USP31: variants seen among roughly 807,000 people sequenced by gnomAD.
USP31 encodes the protein ubiquitin carboxyl-terminal hydrolase 31.
Under a neutral mutation model 119.4 loss-of-function variants are expected in USP31, and 44 were observed. The ratio of observed to expected loss-of-function variants is 0.37; its 90% confidence interval spans 0.29 to 0.47. The LOEUF is 0.47. Among genes scored for constraint, USP31 ranks in the 20% least tolerant of loss-of-function variants. The pLI, the probability that USP31 is intolerant of heterozygous loss-of-function variation, is 0.99. For synonymous variants in USP31, 749 were observed against 705.6 expected (o/e 1.06, Z -0.97); for missense variants, 1,643 against 1,730.2 (o/e 0.95, Z 0.89).
In USP31 at chr16:23,065,744, G is replaced by A. The variant is rs981116357; in HGVS notation, c.*2302C>T. 6.6e-6 allele frequency: 1 copy of A among 151,422 alleles called. No homozygotes were observed. Among genetic ancestry groups the A allele is most frequent in the Non-Finnish European group, 1.5e-5 (1 of 67,936 alleles). 9.4% of individuals were successfully genotyped at this position (151,422 alleles called of 1,614,324 possible). A position where few individuals can be genotyped will look rare whatever the true frequency, so the allele number is the denominator to read the frequency against. On this transcript the variant is annotated 3_prime_UTR_variant, in exon 16 of 16. Transcript: ENST00000219689. Reference sequence around the variant, plus strand: ...AGACATCGTGGAAAATCCATTCCTAGATAACTCAAGAATAAAAATATTTAC... The same window carrying A: ...AGACATCGTGGAAAATCCATTCCTAAATAACTCAAGAATAAAAATATTTAC...
Position 23,063,157 on chromosome 16 carries a change from A to G in USP31, c.*4889T>C, listed in dbSNP as rs1899919647. On this transcript the variant is annotated 3_prime_UTR_variant, in exon 16 of 16. Transcript: ENST00000219689. The stretch of plus-strand genomic sequence containing the variant: ...AGACAAGTCATTCAGAAGAGGCTTA[A>G]AAGAATCTTGAGGAAAATACATGTG... 6.6e-6 allele frequency: 1 copy of G among 152,248 alleles called. No homozygotes were observed. Among genetic ancestry groups the G allele is most frequent in the South Asian group, 2.1e-4 (1 of 4,838 alleles). The allele number at this position is 152,248 out of a possible 1,614,324, so 9.4% of individuals were successfully genotyped here.
intron 1 of USP31, among the ~76,000 whole-genome samples, chr16:23,111,740 A>G (rs529843114): frequency 2.0e-5 from 3 of 152,328 alleles, no homozygotes; most frequent in Non-Finnish European, 4.4e-5. Flanking sequence ...AGCCCAAGAA[A>G]AAAACCATCA....
intron 1 of USP31, among the ~76,000 whole-genome samples, chr16:23,129,898 T>G (rs574970630): frequency 6.6e-6 from 1 of 152,144 alleles, no homozygotes; most frequent in African/African-American, 2.4e-5. Flanking sequence ...GAAAAAGCAC[T>G]ACAAGTGGGA....
At chr16:23,098,810 C>T (rs1028148065) in intron 6 of USP31, among the ~76,000 whole-genome samples, 2 of 152,174 alleles carry the variant, frequency 1.3e-5, no homozygotes, top group Non-Finnish European at 1.5e-5. Flanking sequence ...ACACCTTATA[C>T]AAAAATTAAT....
chr16:23,078,166 G>A (rs1323637044), intron 13 of USP31, among the ~76,000 whole-genome samples: 1 of 151,916 alleles, frequency 6.6e-6, no homozygotes, highest in Non-Finnish European at 1.5e-5. Context: ...ACAAAAATTA[G>A]CTGGGTGTGG....
chr16:23,078,302 C>T (rs537064485), intron 13 of USP31, among the ~76,000 whole-genome samples: 13 of 134,792 alleles, frequency 9.6e-5, no homozygotes, highest in African/African-American at 3.6e-4. Context: ...GAGAGCGAGA[C>T]TCCGTCGCAA....
intron 9 of USP31, among the ~76,000 whole-genome samples, chr16:23,086,505 G>A (rs1901115407): frequency 6.6e-6 from 1 of 152,152 alleles, no homozygotes; most frequent in Non-Finnish European, 1.5e-5. Flanking sequence ...GGGGCAGGTT[G>A]CTGGGGGTGG....
At chr16:23,123,798 G>C (rs918578363) in intron 1 of USP31, among the ~76,000 whole-genome samples, 2 of 152,074 alleles carry the variant, frequency 1.3e-5, no homozygotes, top group African/African-American at 2.4e-5. Flanking sequence ...CCAAGAGTTT[G>C]AGACCAGCCC....
intron 13 of USP31, among the ~76,000 whole-genome samples, chr16:23,078,192 G>A (rs945540972): frequency 1.9e-4 from 29 of 151,354 alleles, no homozygotes; most frequent in Admixed American, 2.6e-4. Flanking sequence ...TGTGCCTGTA[G>A]TCCCAGCTAC....
At chr16:23,117,846 G>C (rs1902545414) in intron 1 of USP31, among the ~76,000 whole-genome samples, 1 of 152,024 alleles carries the variant, frequency 6.6e-6, no homozygotes, top group Non-Finnish European at 1.5e-5. Flanking sequence ...ATGGAGCGCA[G>C]TAGTGCAATC....
rs961494288 is a variant in USP31 at position 23,065,699 on chromosome 16, CTTTTT to C, written c.*2342_*2346del. 2.0e-5 allele frequency: 3 copies of C among 146,458 alleles called. No homozygotes were observed. Among genetic ancestry groups the C allele is most frequent in the Non-Finnish European group, 4.5e-5 (3 of 66,380 alleles). The allele number at this position is 146,458 out of a possible 1,614,324, so 9.1% of individuals were successfully genotyped here. ...AAAGGGATTTGTAGAAACGTTTTTC[CTTTTT>C]TTTTTTAAGTCACTAGACATCGTGG... On this transcript the variant is annotated 3_prime_UTR_variant, in exon 16 of 16. Coordinates refer to ENST00000219689, the MANE Select transcript of USP31 (RefSeq NM_020718.4).
chr16:23,122,632 G>A (rs1437426271), intron 1 of USP31, among the ~76,000 whole-genome samples: 2 of 152,112 alleles, frequency 1.3e-5, no homozygotes, highest in Non-Finnish European at 2.9e-5. Flanking sequence ...AAAAAGAAAT[G>A]TAGTACGATA....
At position 23,124,010 on chromosome 16, in the gene USP31, G is replaced by A. The variant is rs561152328; in HGVS notation, c.634-15827C>T. Among the ~76,000 whole-genome samples, 26 of 151,358 alleles carry A rather than the reference G, an allele frequency of 1.7e-4. No individual in the cohort carries two copies. In the East Asian group the frequency reaches 3.5e-3, roughly 20 times the overall value. On this transcript the variant is annotated intron_variant, in intron 1 of 15. Transcript: ENST00000219689. ...TGAGATTCTATCTCAAAAAAAAAAA[G>A]AAGAAAAGTACAGGAGGAAGTAGGA...
intron 1 of USP31, among the ~76,000 whole-genome samples, chr16:23,138,177 G>C (rs1903250036): frequency 6.6e-6 from 1 of 152,144 alleles, no homozygotes; most frequent in South Asian, 2.1e-4. Context: ...TTACATCGTT[G>C]GTTGGGAAGA....
chr16:23,076,010 C>T (rs774861271), intron 13 of USP31, among the ~76,000 whole-genome samples: 5 of 152,132 alleles, frequency 3.3e-5, no homozygotes, highest in South Asian at 2.1e-4. Context: ...ATCTTGAGCC[C>T]GGGAGGCTGG....
In USP31 at chr16:23,148,933, G is replaced by A. The variant is rs1490080450; in HGVS notation, c.338C>T (p.Ser113Phe). 7.6e-6 allele frequency: 9 copies of A among 1,183,072 alleles called. No homozygotes were observed. Among genetic ancestry groups the A allele is most frequent in the Non-Finnish European group, 9.4e-6 (9 of 953,254 alleles). The allele number at this position is 1,183,072 out of a possible 1,614,324, so 73.3% of individuals were successfully genotyped here. A position where few individuals can be genotyped will look rare whatever the true frequency, so the allele number is the denominator to read the frequency against. Residue 113 changes from serine to phenylalanine, a missense_variant, in exon 1 of 16, where the codon TCT (serine) becomes TTT (phenylalanine). By Grantham distance (155) the Ser-to-Phe change is radical. Around this residue, in one of 5 missense-constraint regions of USP31, gnomAD observed 302 missense variants for 262.6 expected, o/e 1.15. Transcript: ENST00000219689. ...GGCGGCGCAAGCGGGCGGCGCGGGA[G>A]AGGCGGGCGGCGGCGGGCACGGCGG... ...TPPPCPPPPA[S>F]PAPPACAAEP...
chr16:23,089,671 T>C (rs1007161249), intron 7 of USP31, among the ~76,000 whole-genome samples: 13 of 152,346 alleles, frequency 8.5e-5, no homozygotes, highest in Admixed American at 5.9e-4. Context: ...CCTTGAAACA[T>C]ATCTGTCTCT....
At position 23,063,985 on chromosome 16, in the gene USP31, A is replaced by G. The variant is rs72772497; in HGVS notation, c.*4061T>C. ...ATGTAGTAGAGTTTAACAATAATGTACCCTTTATGAAATGAAAGTTAAAGA... is the reference window on the plus strand; with the variant it reads ...ATGTAGTAGAGTTTAACAATAATGTGCCCTTTATGAAATGAAAGTTAAAGA... On this transcript the variant is annotated 3_prime_UTR_variant, in exon 16 of 16. Transcript: ENST00000219689. 6.5e-3 allele frequency: 997 copies of G among 152,718 alleles called. 1 individual carries two copies. Among genetic ancestry groups the G allele is most frequent in the Non-Finnish European group, 0.01 (708 of 68,028 alleles). The allele number at this position is 152,718 out of a possible 1,614,324, so 9.5% of individuals were successfully genotyped here.
At chr16:23,077,890 TGAAAG>T (rs1900649264) in intron 13 of USP31, among the ~76,000 whole-genome samples, 1 of 151,956 alleles carries the variant, frequency 6.6e-6, no homozygotes, top group Non-Finnish European at 1.5e-5. Context: ...TCAAAAAAAG[TGAAAG>T]AGCATAAAGA....
Sources: gnomAD v4.1 joint callset for allele counts (sites outside exome capture counted in the v4.1 genomes callset) on GRCh38, gnomAD v4.1.1 for gene constraint, gnomAD v4.1.1 regional missense constraint, MANE v1.5 for transcripts, NCBI Gene and HGNC (gene_info 2026-07-23, HGNC 2026-07-21) for gene names.